Variants in CLASP1 observed in about 807,000 individuals in gnomAD.
CLASP1 encodes CLIP-associating protein 1.
CLASP1 carries 38 observed loss-of-function variants against 192.3 expected under a neutral mutation model. The ratio of observed to expected loss-of-function variants is 0.20; its 90% CI spans 0.15 to 0.26. The LOEUF is 0.26. Ranked by LOEUF, CLASP1 falls within the 10% of genes least tolerant of loss-of-function variation. CLASP1 has a pLI of 1.00. For synonymous variants in CLASP1, 691 were observed against 712.8 expected (o/e 0.97, Z 0.49); for missense variants, 1,433 against 1,932.5 (o/e 0.74, Z 4.85).
intron 35 of CLASP1, among the ~76,000 whole-genome samples, chr2:121,367,281 C>T (rs779363245): frequency 6.6e-6 from 1 of 152,236 alleles, no homozygotes; most frequent in Non-Finnish European, 1.5e-5. Context: ...GGTTCTACAG[C>T]AAAACCTTCC....
At chr2:121,543,032 G>A (rs2095264519) in intron 2 of CLASP1, among the ~76,000 whole-genome samples, 1 of 152,240 alleles carries the variant, frequency 6.6e-6, no homozygotes, top group African/African-American at 2.4e-5. Flanking sequence ...TGGTTACTGA[G>A]CAAACGAAAG....
At chr2:121,605,833 C>T in exon 2 of CLASP1, 3 of 1,614,012 alleles carry the variant, frequency 1.9e-6, no homozygotes, top group Non-Finnish European at 1.7e-6. Flanking sequence ...GGCCAACCTG[C>T]AATCGTTTCC....
At chr2:121,557,050 C>A (rs551119145) in intron 2 of CLASP1, among the ~76,000 whole-genome samples, 1 of 152,276 alleles carries the variant, frequency 6.6e-6, no homozygotes, top group East Asian at 1.9e-4. Flanking sequence ...TGAGACTCTG[C>A]AAGCTCTGTG....
intron 2 of CLASP1, among the ~76,000 whole-genome samples, chr2:121,587,139 GCTGAGGCAGGAGAATTGC>G (rs764371489): frequency 1.3e-5 from 2 of 152,322 alleles, no homozygotes; most frequent in Non-Finnish European, 2.9e-5. Flanking sequence ...TACTTGGGAG[GCTGAGGCAGGAGAATTGC>G]CTGAACCTGG....
chr2:121,568,028 G>C (rs1166094146), intron 2 of CLASP1, among the ~76,000 whole-genome samples: 1 of 152,126 alleles, frequency 6.6e-6, no homozygotes, highest in East Asian at 1.9e-4. Context: ...AAAGATCAAG[G>C]CTTTATACAC....
At chr2:121,485,312 G>T (rs1391188811) in intron 8 of CLASP1, among the ~76,000 whole-genome samples, 1 of 152,192 alleles carries the variant, frequency 6.6e-6, no homozygotes, top group African/African-American at 2.4e-5. Context: ...AGGAAAAGGG[G>T]CCCTACAAAA....
intron 2 of CLASP1, among the ~76,000 whole-genome samples, chr2:121,573,118 C>T (rs1186431065): frequency 6.6e-6 from 1 of 152,162 alleles, no homozygotes; most frequent in East Asian, 1.9e-4. Flanking sequence ...TGCCACCACG[C>T]CCAGCTAGTT....
At chr2:121,351,960 G>A (rs894158624) in intron 37 of CLASP1, among the ~76,000 whole-genome samples, 1 of 152,242 alleles carries the variant, frequency 6.6e-6, no homozygotes, top group East Asian at 1.9e-4. Flanking sequence ...GGTGCCTCCT[G>A]TGTGTCAGAG....
At chr2:121,401,704 T>C in intron 27 of CLASP1, 32 bp from the exon 29 acceptor site, 1 of 1,578,552 alleles carries the variant, frequency 6.3e-7, no homozygotes, top group Non-Finnish European at 8.7e-7. Flanking sequence ...GTAGTTCACA[T>C]ATTGAATTCA....
intron 29 of CLASP1, 41 bp from the exon 31 acceptor site, chr2:121,397,324 G>T (rs766827731): frequency 6.4e-6 from 10 of 1,566,836 alleles, no homozygotes; most frequent in Non-Finnish European, 8.7e-6. Context: ...TACACTTGAT[G>T]AATCTTTGAA....
chr2:121,362,753 G>C (rs1431775731), intron 37 of CLASP1, among the ~76,000 whole-genome samples: 1 of 152,194 alleles, frequency 6.6e-6, no homozygotes, highest in Non-Finnish European at 1.5e-5. Flanking sequence ...GAAATGACTG[G>C]TCCACTTATC....
exon 30 of CLASP1, chr2:121,397,257 A>C (rs1326597015): frequency 1.9e-6 from 3 of 1,613,890 alleles, no homozygotes; most frequent in Non-Finnish European, 2.5e-6. Context: ...CCAGAGACTC[A>C]ATGTATTTCA....
chr2:121,369,647 C>T (rs989191865), intron 34 of CLASP1, among the ~76,000 whole-genome samples: 2 of 152,100 alleles, frequency 1.3e-5, no homozygotes, highest in East Asian at 1.9e-4. Context: ...CCGGTGTGCA[C>T]GCTGGCTTCT....
intron 2 of CLASP1, among the ~76,000 whole-genome samples, chr2:121,551,744 G>T (rs540730498): frequency 1.3e-5 from 2 of 152,252 alleles, no homozygotes; most frequent in South Asian, 4.1e-4. Flanking sequence ...TGGATAGGAA[G>T]AATCAGTATC....
chr2:121,436,221 A>G (rs906006301), intron 19 of CLASP1, among the ~76,000 whole-genome samples: 5 of 151,880 alleles, frequency 3.3e-5, no homozygotes, highest in South Asian at 2.1e-4. Flanking sequence ...TAGTGGAGAC[A>G]GGGTTTTGCC....
At chr2:121,528,629 T>C (rs1346786297) in intron 4 of CLASP1, 48 bp downstream of exon 4, 1 of 1,445,002 alleles carries the variant, frequency 6.9e-7, no homozygotes, top group Non-Finnish European at 9.7e-7. Context: ...CGCACGTGCA[T>C]GCACGCGCAC....
intron 34 of CLASP1, among the ~76,000 whole-genome samples, chr2:121,368,707 C>A (rs958874197): frequency 6.6e-6 from 1 of 152,114 alleles, no homozygotes; most frequent in African/African-American, 2.4e-5. Context: ...TGGAAACATT[C>A]CAGGCAGCCA....
chr2:121,405,080 AG>A (rs2076714940), intron 25 of CLASP1, among the ~76,000 whole-genome samples: 1 of 152,180 alleles, frequency 6.6e-6, no homozygotes, highest in Non-Finnish European at 1.5e-5. Flanking sequence ...AGGCCAAGGC[AG>A]GTGGATCACC....
intron 6 of CLASP1, among the ~76,000 whole-genome samples, chr2:121,521,992 G>A (rs981570153): frequency 1.3e-5 from 2 of 152,140 alleles, no homozygotes; most frequent in Admixed American, 1.3e-4. Flanking sequence ...TTAAAATAAA[G>A]GCAACAGCAA....
Sources: allele counts gnomAD v4.1 joint callset (sites outside exome capture counted in the v4.1 genomes callset), GRCh38; gene constraint gnomAD v4.1.1; transcripts MANE v1.5; gene names NCBI Gene and HGNC (gene_info 2026-07-23, HGNC 2026-07-21).